The following DNAH10 variants were observed in gnomAD, a reference collection of about 807,000 sequenced individuals.
The protein encoded by DNAH10 is axonemal beta dynein heavy chain 10.
In DNAH10, 348 loss-of-function variants were observed where a neutral mutation model predicts 506.6. The observed-to-expected ratio is 0.69, with a 90% CI of 0.63 to 0.75. The LOEUF (loss-of-function observed/expected upper bound fraction) is 0.75, where lower values mean the gene tolerates loss of function less well. DNAH10 is among the 30% of genes least tolerant of loss of function. DNAH10 has a pLI of 0.00. For synonymous variants in DNAH10, 2,059 were observed against 2,198.6 expected, an observed-to-expected ratio of 0.94 and a Z score of 1.78; for missense variants, 5,179 against 5,787.1, an observed-to-expected ratio of 0.89 and a Z score of 3.41.
At chr12:123,821,693 A>G (rs1311123538) in intron 24 of DNAH10, among the ~76,000 whole-genome samples, 1 of 152,086 alleles carries the variant, frequency 6.6e-6, no homozygotes, top group African/African-American at 2.4e-5. Flanking sequence ...TTTTACTGTC[A>G]TCATAGAAAA....
intron 24 of DNAH10, among the ~76,000 whole-genome samples, chr12:123,825,065 C>T (rs1175893960): frequency 1.3e-5 from 2 of 152,082 alleles, no homozygotes; most frequent in East Asian, 1.9e-4. Context: ...GGAGGAGTGG[C>T]CCAGGTGGTA....
intron 19 of DNAH10, among the ~76,000 whole-genome samples, chr12:123,812,437 C>T (rs1030855292): frequency 3.3e-5 from 5 of 151,970 alleles, no homozygotes; most frequent in East Asian, 1.9e-4. Context: ...GGCGACAGAG[C>T]GAAACTCCGT....
chr12:123,793,899 T>C (rs923187928), intron 11 of DNAH10, 43 bp from the exon 12 acceptor site: 7 of 1,109,276 alleles, frequency 6.3e-6, no homozygotes. Context: ...TTTGGCAGGA[T>C]AATTACAGGG....
intron 54 of DNAH10, among the ~76,000 whole-genome samples, chr12:123,895,353 T>C (rs1953171877): frequency 6.6e-6 from 1 of 152,202 alleles, no homozygotes; most frequent in Non-Finnish European, 1.5e-5. Flanking sequence ...CTGGGTAACC[T>C]TGAAAATAGT....
rs552868678 is a variant in DNAH10 at position 123,849,788 on chromosome 12, G to C, written c.6102+906G>C. Among the ~76,000 whole-genome samples the C allele has an allele frequency of 2.0e-5, 3 of 152,250 alleles. No individual in the cohort carries two copies. In the East Asian group the frequency reaches 5.8e-4, roughly 29 times the overall value. ...CTGGTGGCCCTGTCATCTCACATGC[G>C]TCCTCCTCAGATCTTGGCAGGGCTC... is the stretch of plus-strand genomic sequence containing the variant. On this transcript the variant is annotated intron_variant, in intron 34 of 78. Transcript: ENST00000673944.
Position 123,913,148 on chromosome 12 carries a change from G to A in DNAH10, c.10185G>A (p.Arg3395=), listed in dbSNP as rs1413573467. The part of the protein sequence containing the change: ...NFYLTKRELE[R]IQNELAAIQK... The stretch of plus-strand genomic sequence containing the variant: ...ACCTCACTAAACGGGAACTGGAAAG[G>A]ATCCAGAATGAGTTGGCAGCAATTC... The change falls in exon 60 of 79, where the codon AGG becomes AGA. Residue 3395 remains arginine, a synonymous_variant. Transcript: ENST00000673944. The surrounding 1 kb of genome is among the most constrained non-coding windows in gnomAD (Gnocchi z 5.1). 1 of 1,611,960 alleles carries A rather than the reference G, an allele frequency of 6.2e-7. No homozygotes were observed. The highest frequency in any genetic ancestry group is 1.3e-5 in the African/African-American group (1 of 75,016).
chr12:123,871,553 A>G lies in DNAH10; in HGVS notation c.7736A>G (p.Lys2579Arg), dbSNP rs1289353826. The G allele has an allele frequency of 6.4e-7, 1 of 1,551,862 alleles. No homozygotes were observed. The highest frequency in any genetic ancestry group is 8.7e-7 in the Non-Finnish European group (1 of 1,147,248). ...TTTGTTGGTGAATCTGGCACTTCTA[A>G]GACAGCCACTACCCAGAATTTCCTC... ...VIFVGESGTSKTATTQNFLKN... is the reference protein window; with the variant it reads ...VIFVGESGTSRTATTQNFLKN... The change falls in exon 45 of 79, where the codon AAG becomes AGG. Residue 2579 changes from lysine to arginine, a missense_variant. Around this residue, in one of 3 missense-constraint regions of DNAH10, gnomAD observed 4,844 missense variants for 5,430.5 expected, o/e 0.89. Coordinates refer to ENST00000673944, the MANE Select transcript of DNAH10 (RefSeq NM_001372106.1).
At chr12:123,867,743 T>C in intron 42 of DNAH10, 142 bp downstream of exon 42, 1 of 1,381,648 alleles carries the variant, frequency 7.2e-7, no homozygotes, top group East Asian at 2.4e-5. Flanking sequence ...CCGTGCTTGC[T>C]TTTGTGCAAG....
At chr12:123,934,353 A>C in intron 77 of DNAH10, 1 of 663,558 alleles carries the variant, frequency 1.5e-6, no homozygotes, top group Non-Finnish European at 2.7e-6. Context: ...TGCCCCAGGA[A>C]TGAGGATTCC....
chr12:123,894,082 CTTTTTTTT>C (rs558490981), intron 53 of DNAH10, among the ~76,000 whole-genome samples: 5 of 89,150 alleles, frequency 5.6e-5, no homozygotes, highest in Admixed American at 1.3e-4. Context: ...AATGAGCATC[CTTTTTTTT>C]TTTTTTTTTT....
At chr12:123,878,214 C>A (rs1952346468) in intron 48 of DNAH10, among the ~76,000 whole-genome samples, 2 of 152,126 alleles carry the variant, frequency 1.3e-5, no homozygotes, top group African/African-American at 2.4e-5. Context: ...CTGCATGGAG[C>A]CTTTTGCTCA....
intron 30 of DNAH10, 104 bp downstream of exon 30, chr12:123,841,649 T>C (rs1363783796): frequency 1.8e-6 from 2 of 1,142,356 alleles, no homozygotes; most frequent in Admixed American, 4.8e-5. Context: ...AAATGAGGTT[T>C]TGTTTTTTTG....
chr12:123,896,747 G>C (rs548464537), intron 54 of DNAH10, among the ~76,000 whole-genome samples: 3 of 150,714 alleles, frequency 2.0e-5, no homozygotes, highest in Admixed American at 1.3e-4. Context: ...AGAAGGATTA[G>C]CACGGATCAC....
intron 5 of DNAH10, among the ~76,000 whole-genome samples, chr12:123,775,928 T>A (rs902343916): frequency 2.0e-5 from 3 of 152,104 alleles, no homozygotes; most frequent in African/African-American, 7.2e-5. Flanking sequence ...CTTAAAATCA[T>A]GGTGGAAGGG....
At chr12:123,864,397 G>A (rs549220211) in intron 39 of DNAH10, among the ~76,000 whole-genome samples, 198 bp from the exon 40 acceptor site, 2 of 151,948 alleles carry the variant, frequency 1.3e-5, no homozygotes, top group South Asian at 2.1e-4. Context: ...CGCCCACCTT[G>A]GCCTCCCAAA....
At chr12:123,815,000 G>T (rs1470815056) in intron 21 of DNAH10, among the ~76,000 whole-genome samples, 1 of 152,172 alleles carries the variant, frequency 6.6e-6, no homozygotes, top group African/African-American at 2.4e-5. Context: ...AAAGGATTTT[G>T]CACTAAGTGT....
At chr12:123,862,003 C>T (rs1347139759) in intron 39 of DNAH10, among the ~76,000 whole-genome samples, 1 of 152,136 alleles carries the variant, frequency 6.6e-6, no homozygotes, top group African/African-American at 2.4e-5. Flanking sequence ...CCAGGCCAAC[C>T]GTTTTAGAGA....
At chr12:123,828,174 T>A (rs1960179167) in intron 25 of DNAH10, among the ~76,000 whole-genome samples, 1 of 149,584 alleles carries the variant, frequency 6.7e-6, no homozygotes. Flanking sequence ...AAATAGAAAG[T>A]AATTATTAAA....
intron 28 of DNAH10, 140 bp downstream of exon 28, chr12:123,835,668 A>T: frequency 1.6e-6 from 2 of 1,277,134 alleles, no homozygotes; most frequent in Non-Finnish European, 2.1e-6. Context: ...TCTGTTGCCC[A>T]GGCTGGAGTG....
Sources: allele counts gnomAD v4.1 joint callset (sites outside exome capture counted in the v4.1 genomes callset), GRCh38; gene constraint gnomAD v4.1.1; regional missense constraint gnomAD v4.1.1; non-coding constraint Gnocchi (gnomAD v3.1); transcripts MANE v1.5; gene names NCBI Gene and HGNC (gene_info 2026-07-23, HGNC 2026-07-21).